The following GLT8D2 variants were observed in gnomAD, a reference collection of about 807,000 sequenced individuals.
GLT8D2 encodes the protein glycosyltransferase 8 domain containing 2, also known as glycosyltransferase 8 domain-containing protein 2.
GLT8D2 carries 45 observed loss-of-function variants against 44.5 expected under a neutral mutation model. That is an observed-to-expected ratio of 1.01 (90% CI 0.80 to 1.30). The LOEUF (loss-of-function observed/expected upper bound fraction) is 1.30. Ranked by LOEUF, GLT8D2 falls within the 50% of genes most tolerant of loss-of-function variation. The pLI is 0.00. For missense variants in GLT8D2, 400 were observed against 430.4 expected, an observed-to-expected ratio of 0.93 and a Z score of 0.62; for synonymous variants, 156 against 157.2, an observed-to-expected ratio of 0.99 and a Z score of 0.06.
Position 104,064,142 on chromosome 12 carries a change from A to C in GLT8D2, c.-616T>G, listed in dbSNP as rs145024890. On this transcript the variant is annotated 5_prime_UTR_variant, in exon 1 of 11. Transcript: ENST00000548660. The surrounding 1 kb of genome is among the most constrained non-coding windows in gnomAD (Gnocchi z 7.3). Reference sequence around the variant, plus strand: ...TGCGAGGTCCCCGCCCTGCGCTCCCAGCTCTTCGAACCTCTACCCGAGCTT... The same window carrying C: ...TGCGAGGTCCCCGCCCTGCGCTCCCCGCTCTTCGAACCTCTACCCGAGCTT... 1.7e-3 allele frequency: 266 copies of C among 154,044 alleles called. 3 individuals carry two copies. Among genetic ancestry groups the C allele is most frequent in the South Asian group, 6.4e-3 (31 of 4,866 alleles). The allele number at this position is 154,044 out of a possible 1,614,324, so 9.5% of individuals were successfully genotyped here.
At chr12:104,007,913 C>T (rs998389242) in intron 4 of GLT8D2, among the ~76,000 whole-genome samples, 3 of 152,202 alleles carry the variant, frequency 2.0e-5, no homozygotes, top group Non-Finnish European at 4.4e-5. Context: ...TTGCATCTCT[C>T]ACTTTCTCTT....
intron 1 of GLT8D2, among the ~76,000 whole-genome samples, chr12:104,030,443 G>A (rs1274015085): frequency 2.0e-5 from 3 of 151,866 alleles, no homozygotes; most frequent in Admixed American, 2.0e-4. Flanking sequence ...AAAACTAGAA[G>A]AAAACAGGGG....
At chr12:104,009,037 G>A (rs1175643767) in intron 4 of GLT8D2, among the ~76,000 whole-genome samples, 1 of 152,262 alleles carries the variant, frequency 6.6e-6, no homozygotes, top group Non-Finnish European at 1.5e-5. Flanking sequence ...CAGTGCAGAA[G>A]GGAAATGTGG....
intron 5 of GLT8D2, among the ~76,000 whole-genome samples, chr12:104,002,387 A>T (rs1408367415): frequency 6.6e-6 from 1 of 152,038 alleles, no homozygotes; most frequent in Non-Finnish European, 1.5e-5. Flanking sequence ...TTGGATGGTA[A>T]TTTTTTGTCT....
chr12:104,025,496 A>T (rs1372952047), intron 1 of GLT8D2, among the ~76,000 whole-genome samples: 6 of 152,166 alleles, frequency 3.9e-5, no homozygotes, highest in African/African-American at 9.7e-5. Context: ...GGCATCAGCC[A>T]CCACACCTGG....
At chr12:104,032,238 T>C (rs146510524) in intron 1 of GLT8D2, among the ~76,000 whole-genome samples, 3,170 of 151,454 alleles carry the variant, frequency 0.021, 56 homozygotes, top group South Asian at 0.049. Context: ...GATCAGCTCC[T>C]TGACCTCTGA....
intron 8 of GLT8D2, 24 bp from the exon 9 acceptor site, chr12:103,994,525 GC>G: frequency 6.4e-7 from 1 of 1,558,422 alleles, no homozygotes; most frequent in Non-Finnish European, 8.7e-7. Context: ...GGATGTGCAT[GC>G]TTTTGACCAG....
At chr12:104,054,290 T>C (rs1210841154), upstream of GLT8D2, among the ~76,000 whole-genome samples, 1 of 152,160 alleles carries the variant, frequency 6.6e-6, no homozygotes, top group Non-Finnish European at 1.5e-5. Context: ...ATCTGGCTTA[T>C]TTCACTTAGC....
Position 103,989,413 on chromosome 12 carries a change from T to C in GLT8D2, c.1045A>G (p.Ser349Gly). 1 of 1,608,652 alleles carries C rather than the reference T, an allele frequency of 6.2e-7. No homozygotes were observed. The highest frequency in any genetic ancestry group is 1.1e-5 in the South Asian group (1 of 89,792). The change falls in exon 11 of 11, where the codon AGC becomes GGC. Residue 349 changes from serine (S) to glycine (G), a missense_variant. Transcript: ENST00000360814. ...PAGIFKLNHH[S>G] is the part of the protein sequence containing the mutation. The stretch of plus-strand genomic sequence containing the variant: ...ATTTTAAGGGTAGAGTTATATCAGC[T>C]ATGGTGATTGAGTTTAAATATCCCT...
At chr12:104,036,895 C>G (rs1330386374) in intron 1 of GLT8D2, among the ~76,000 whole-genome samples, 1 of 152,162 alleles carries the variant, frequency 6.6e-6, no homozygotes, top group Non-Finnish European at 1.5e-5. Flanking sequence ...TATTCCAAAA[C>G]TGACCACAGA....
chr12:103,998,533 C>G (rs537228380), intron 6 of GLT8D2, among the ~76,000 whole-genome samples: 1 of 152,128 alleles, frequency 6.6e-6, no homozygotes, highest in Non-Finnish European at 1.5e-5. Context: ...CCTCAGACTC[C>G]CGAGTAGCCG....
chr12:104,023,193 T>C lies in GLT8D2; in HGVS notation c.-163-1702A>G, dbSNP rs140448337. 7.5e-3 allele frequency among the ~76,000 whole-genome samples: 1,145 copies of C among 152,298 alleles called. 10 individuals are homozygous for C. The highest frequency in any genetic ancestry group is 0.026 in the African/African-American group (1,065 of 41,560). On this transcript the variant is annotated intron_variant, in intron 1 of 10. Transcript: ENST00000360814. ...AATAGCTAATGCACGTGGGGCTTAA[T>C]ACCTAGGTGATGGGTTGATAGATGC...
intron 2 of GLT8D2, 134 bp from the exon 3 acceptor site, chr12:104,019,810 CT>C (rs1327817810): frequency 1.8e-6 from 1 of 551,112 alleles, no homozygotes; most frequent in Non-Finnish European, 3.1e-6. Context: ...TGCTCCAAAT[CT>C]AAAATTTTGG....
At chr12:104,026,979 A>G (rs1240437296) in intron 1 of GLT8D2, among the ~76,000 whole-genome samples, 6 of 152,222 alleles carry the variant, frequency 3.9e-5, no homozygotes, top group Non-Finnish European at 8.8e-5. Context: ...GGTAATTGAG[A>G]AAGGAAGGAT....
At chr12:104,004,585 AACAG>A (rs932905103) in intron 4 of GLT8D2, among the ~76,000 whole-genome samples, 64 of 152,214 alleles carry the variant, frequency 4.2e-4, no homozygotes, top group Non-Finnish European at 7.6e-4. Flanking sequence ...ATACACCAAT[AACAG>A]ACAAACAGAG....
chr12:104,004,815 T>C (rs1874751569), intron 4 of GLT8D2, among the ~76,000 whole-genome samples: 1 of 152,124 alleles, frequency 6.6e-6, no homozygotes, highest in Non-Finnish European at 1.5e-5. Context: ...CCCAAGGTAA[T>C]TTATAGATTC....
chr12:103,991,430 C>A (rs186995083), intron 10 of GLT8D2, among the ~76,000 whole-genome samples: 3 of 152,214 alleles, frequency 2.0e-5, no homozygotes, highest in African/African-American at 7.2e-5. Context: ...TCAAGTGATC[C>A]ACCCGCTTCA....
intron 4 of GLT8D2, among the ~76,000 whole-genome samples, chr12:104,010,249 C>A (rs1300144944): frequency 6.6e-6 from 1 of 152,158 alleles, no homozygotes; most frequent in Non-Finnish European, 1.5e-5. Flanking sequence ...ACTTCTCCAG[C>A]CTCACCTCCT....
rs1030649211 is a variant in GLT8D2 at position 103,997,644 on chromosome 12, T to G, written c.403-109A>C. The G allele has an allele frequency of 4.0e-6, 3 of 755,800 alleles. No individual in the cohort carries two copies. In the Admixed American group the frequency reaches 6.3e-5, roughly 16 times the overall value. The allele number at this position is 755,800 out of a possible 1,614,324, so 46.8% of individuals were successfully genotyped here. A position where few individuals can be genotyped will look rare whatever the true frequency, so the allele number is the denominator to read the frequency against. On this transcript the variant is annotated intron_variant, in intron 6 of 10. Coordinates refer to ENST00000360814, the MANE Select transcript of GLT8D2 (RefSeq NM_001384711.1). ...CCATGGCCTCAGCTCAGCTCCAGGT[T>G]TGGAGCGGAATAAAACAGGAGCTAG...
Sources: gnomAD v4.1 joint callset for allele counts (sites outside exome capture counted in the v4.1 genomes callset) on GRCh38, gnomAD v4.1.1 for gene constraint, Gnocchi (gnomAD v3.1) non-coding constraint, MANE v1.5 for transcripts, NCBI Gene and HGNC (gene_info 2026-07-23, HGNC 2026-07-21) for gene names.